MSL2: variants seen among roughly 807,000 people sequenced by gnomAD.
MSL2 encodes E3 ubiquitin-protein ligase MSL2.
In MSL2, 2 loss-of-function variants were observed where a neutral mutation model predicts 35.8. The observed-to-expected ratio is 0.06, with a 90% CI of 0.02 to 0.18. The LOEUF (loss-of-function observed/expected upper bound fraction) is 0.18, where lower values mean the gene tolerates loss of function less well. Ranked by LOEUF, MSL2 falls within the 10% of genes least tolerant of loss-of-function variation. The probability of loss-of-function intolerance (pLI) is 1.00; values close to 1 mark genes in which losing one functional copy is unlikely to be tolerated. For missense variants in MSL2, 523 were observed against 706.7 expected (o/e 0.74, Z 2.95); for synonymous variants, 296 against 255.7 (o/e 1.16, Z -1.50).
intron 1 of MSL2, among the ~76,000 whole-genome samples, chr3:136,170,875 A>C (rs762889690): frequency 1.3e-5 from 2 of 152,066 alleles, no homozygotes; most frequent in Non-Finnish European, 2.9e-5. Flanking sequence ...GCAGGGGGAT[A>C]CCTTTTTAAT....
At chr3:136,191,783 T>C (rs562189280) in intron 1 of MSL2, among the ~76,000 whole-genome samples, 19 of 152,238 alleles carry the variant, frequency 1.2e-4, no homozygotes, top group African/African-American at 4.6e-4. Context: ...AATAAAAAGT[T>C]TTTTCAAACC....
Position 136,150,839 on chromosome 3 carries a change from A to G in MSL2, c.*308T>C, listed in dbSNP as rs1939339044. On this transcript the variant is annotated 3_prime_UTR_variant, in exon 2 of 2. Transcript: ENST00000309993. ...AATCATAAACTTTGATTATGCACAA[A>G]GCATGGCCATAAACAATGAGGTTAA... 1 of 276,020 alleles carries G rather than the reference A, an allele frequency of 3.6e-6. No individual in the cohort carries two copies. The highest frequency in any genetic ancestry group is 7.6e-5 in the South Asian group (1 of 13,120). 17.1% of individuals were successfully genotyped at this position (276,020 alleles called of 1,614,324 possible). A position where few individuals can be genotyped will look rare whatever the true frequency, so the allele number is the denominator to read the frequency against.
intron 1 of MSL2, among the ~76,000 whole-genome samples, chr3:136,184,286 A>G (rs1419265138): frequency 6.8e-6 from 1 of 148,008 alleles, no homozygotes; most frequent in Non-Finnish European, 1.5e-5. Context: ...ACAGAGTGAG[A>G]CTCCGTCTGA....
At chr3:136,194,877 T>C (rs1241256844) in intron 1 of MSL2, 95 bp downstream of exon 1, 5 of 1,555,096 alleles carry the variant, frequency 3.2e-6, no homozygotes, top group African/African-American at 1.4e-5. Flanking sequence ...AAAAGCTTAA[T>C]ACCAACCACC....
In MSL2 at chr3:136,151,063, C is replaced by T. The variant is rs1024424587; in HGVS notation, c.*84G>A. 11 of 1,444,352 alleles carry T rather than the reference C, an allele frequency of 7.6e-6. No homozygotes were observed. Among genetic ancestry groups the T allele is most frequent in the East Asian group, 6.9e-5 (3 of 43,706 alleles). 89.5% of individuals were successfully genotyped at this position (1,444,352 alleles called of 1,614,324 possible). ...ACAAGTGATCTATATGCAGGAGCTC[C>T]GGCAAGTTAAACCAACAGAACCATA... On this transcript the variant is annotated 3_prime_UTR_variant, in exon 2 of 2. Transcript: ENST00000309993. This position sits in a 1 kb window ranked among gnomAD's most constrained non-coding sequence, Gnocchi z 5.2.
intron 1 of MSL2, among the ~76,000 whole-genome samples, chr3:136,178,487 T>C (rs567256168): frequency 9.8e-4 from 148 of 151,706 alleles, no homozygotes; most frequent in African/African-American, 3.2e-3. Flanking sequence ...GAATATTCTA[T>C]AGGTGTCAAA....
At chr3:136,188,311 A>G (rs1450794614) in intron 1 of MSL2, among the ~76,000 whole-genome samples, 1 of 152,006 alleles carries the variant, frequency 6.6e-6, no homozygotes, top group South Asian at 2.1e-4. Context: ...GGGCATGCCT[A>G]TAGTCCCAGT....
At chr3:136,159,096 G>C (rs997085585) in intron 1 of MSL2, among the ~76,000 whole-genome samples, 5 of 152,124 alleles carry the variant, frequency 3.3e-5, no homozygotes, top group Non-Finnish European at 5.9e-5. Flanking sequence ...TTGACAGGCT[G>C]ATCCTAAAAT....
chr3:136,187,776 G>C (rs1194089885), intron 1 of MSL2, among the ~76,000 whole-genome samples: 1 of 151,908 alleles, frequency 6.6e-6, no homozygotes, highest in African/African-American at 2.4e-5. Flanking sequence ...TTATAACACT[G>C]ATTTGCAAAT....
chr3:136,159,817 TAGA>T (rs2108065930), intron 1 of MSL2, among the ~76,000 whole-genome samples: 1 of 152,154 alleles, frequency 6.6e-6, no homozygotes, highest in East Asian at 1.9e-4. Flanking sequence ...ATAGAAATTC[TAGA>T]AGAAAACGGA....
chr3:136,194,855 T>C (rs1940791301), intron 1 of MSL2, 117 bp downstream of exon 1: 1 of 1,479,626 alleles, frequency 6.8e-7, no homozygotes, highest in African/African-American at 1.4e-5. Context: ...CGTACAGCGC[T>C]GCACAAATAA....
At chr3:136,168,339 AAAAG>A (rs1365028198) in intron 1 of MSL2, among the ~76,000 whole-genome samples, 1 of 152,256 alleles carries the variant, frequency 6.6e-6, no homozygotes, top group East Asian at 1.9e-4. Context: ...AGAAAGAAGA[AAAAG>A]AACACAAACC....
intron 1 of MSL2, among the ~76,000 whole-genome samples, chr3:136,184,292 T>C (rs1010760449): frequency 2.0e-5 from 3 of 150,392 alleles, no homozygotes; most frequent in Admixed American, 6.6e-5. Context: ...TGAGACTCCG[T>C]CTGAAAAAAA....
chr3:136,182,123 T>C (rs1263330309), intron 1 of MSL2, among the ~76,000 whole-genome samples: 2 of 152,166 alleles, frequency 1.3e-5, no homozygotes, highest in African/African-American at 2.4e-5. Context: ...CAGAACTTTA[T>C]GCAACAATGG....
chr3:136,193,654 T>C (rs1230139077), intron 1 of MSL2, among the ~76,000 whole-genome samples: 1 of 151,768 alleles, frequency 6.6e-6, no homozygotes, highest in South Asian at 2.1e-4. Flanking sequence ...AAACTCTTGA[T>C]ACACTTACAT....
rs1181274826 is a variant in MSL2, at chr3:136,151,333, T to C, written c.1548A>G (p.Pro516=). Residue 516 remains proline, a synonymous_variant, in exon 2 of 2, where the codon CCA becomes CCG. Transcript: ENST00000309993. This position sits in a 1 kb window ranked among gnomAD's most constrained non-coding sequence, Gnocchi z 5.2. The part of the protein sequence containing the change: ...GEKKLEAFAV[P]EKALEQTRLT... ...GCCTGGTCTGCTCCAAGGCCTTTTCTGGCACGGCAAATGCCTCCAGCTTCT... is the reference window on the plus strand; with the variant it reads ...GCCTGGTCTGCTCCAAGGCCTTTTCCGGCACGGCAAATGCCTCCAGCTTCT... 1.9e-6 allele frequency: 3 copies of C among 1,614,128 alleles called. No individual in the cohort carries two copies. Among genetic ancestry groups the C allele is most frequent in the Middle Eastern group, 1.6e-4 (1 of 6,084 alleles).
rs148109047 is a variant in MSL2, at chr3:136,152,228, A to G, written c.653T>C (p.Ile218Thr). The G allele has an allele frequency of 8.7e-6, 14 of 1,614,048 alleles. No individual in the cohort carries two copies. Among genetic ancestry groups the G allele is most frequent in the East Asian group, 4.5e-5 (2 of 44,906 alleles). Residue 218 changes from isoleucine (I) to threonine (T), a missense_variant, in exon 2 of 2, where the codon ATT (isoleucine) becomes ACT (threonine). Coordinates refer to ENST00000309993, the MANE Select transcript of MSL2 (RefSeq NM_018133.4). ...NIPSPEHSNT[I>T]DVCNTVDIKT... is the part of the protein sequence containing the mutation. The stretch of plus-strand genomic sequence containing the variant: ...TATGTCAACAGTATTACATACGTCA[A>G]TCGTATTTGAATGTTCAGGTGAAGG...
chr3:136,194,599 GATC>G (rs1559976723), intron 1 of MSL2: 3 of 339,356 alleles, frequency 8.8e-6, no homozygotes, highest in African/African-American at 6.9e-5. Flanking sequence ...TGCATGTTTT[GATC>G]ATGTTTAACC....
chr3:136,181,010 AGGCATGGTG>A (rs1940342095), intron 1 of MSL2, among the ~76,000 whole-genome samples: 1 of 150,738 alleles, frequency 6.6e-6, no homozygotes, highest in South Asian at 2.1e-4. Flanking sequence ...AAAAAAAATC[AGGCATGGTG>A]GCACATGCCT....
Sources: allele counts gnomAD v4.1 joint callset (sites outside exome capture counted in the v4.1 genomes callset), GRCh38; gene constraint gnomAD v4.1.1; non-coding constraint Gnocchi (gnomAD v3.1); transcripts MANE v1.5; gene names NCBI Gene and HGNC (gene_info 2026-07-23, HGNC 2026-07-21).